Variants in ARID2 observed in about 807,000 individuals in gnomAD.
ARID2 encodes the protein AT-rich interaction domain 2, also known as AT-rich interactive domain-containing protein 2.
Under a neutral mutation model 184.6 loss-of-function variants are expected in ARID2, and 32 were observed. The observed-to-expected ratio is 0.17, with a 90% CI of 0.13 to 0.23. The LOEUF (loss-of-function observed/expected upper bound fraction) is 0.23, where lower values mean the gene tolerates loss of function less well. Ranked by LOEUF, ARID2 falls within the 10% of genes least tolerant of loss-of-function variation. The pLI, the probability that ARID2 is intolerant of heterozygous loss-of-function variation, is 1.00. For missense variants in ARID2, 1,696 were observed against 2,197.6 expected, an observed-to-expected ratio of 0.77 and a Z score of 4.56; for synonymous variants, 836 against 772.6, an observed-to-expected ratio of 1.08 and a Z score of -1.36.
chr12:45,863,701 A>T (rs1943787534), intron 16 of ARID2, among the ~76,000 whole-genome samples: 1 of 152,160 alleles, frequency 6.6e-6, no homozygotes, highest in Non-Finnish European at 1.5e-5. Context: ...AAGTTGAAAT[A>T]GCTATGTGCT....
intron 20 of ARID2, among the ~76,000 whole-genome samples, chr12:45,894,099 C>A (rs1944338058): frequency 6.6e-6 from 1 of 152,118 alleles, no homozygotes; most frequent in South Asian, 2.1e-4. Context: ...TTTTCATGTA[C>A]CCATCAATGG....
intron 15 of ARID2, among the ~76,000 whole-genome samples, chr12:45,856,176 G>A (rs1056726246): frequency 7.0e-6 from 1 of 142,296 alleles, no homozygotes; most frequent in Non-Finnish European, 1.5e-5. Context: ...CCGGGTTCAA[G>A]CGATTCTTCC....
At position 45,817,625 on chromosome 12, in the gene ARID2, G is replaced by C. The variant is rs745344609; in HGVS notation, c.419-45G>C. 5.2e-6 allele frequency: 7 copies of C among 1,351,394 alleles called. No individual in the cohort carries two copies. In the Admixed American group the frequency reaches 1.2e-4, roughly 23 times the overall value. 83.7% of individuals were successfully genotyped at this position (1,351,394 alleles called of 1,614,324 possible). On this transcript the variant is annotated intron_variant, in intron 4 of 20. Transcript: ENST00000334344. ...TATTCAAGGGATATTCACCATAAAG[G>C]TATCTGATCTTTGATATACTTAAGG... is the stretch of plus-strand genomic sequence containing the variant.
intron 3 of ARID2, among the ~76,000 whole-genome samples, chr12:45,745,948 C>T (rs1414129771): frequency 6.6e-6 from 1 of 151,526 alleles, no homozygotes; most frequent in Non-Finnish European, 1.5e-5. Flanking sequence ...TCGTAAAAAC[C>T]TAAACTTACA....
chr12:45,859,168 G>A (rs1943701311), intron 15 of ARID2, among the ~76,000 whole-genome samples: 2 of 152,152 alleles, frequency 1.3e-5, no homozygotes, highest in African/African-American at 4.8e-5. Flanking sequence ...TGTCAAGGAT[G>A]GACCACATAA....
chr12:45,785,714 CA>C (rs916333255), intron 3 of ARID2, among the ~76,000 whole-genome samples: 3 of 151,758 alleles, frequency 2.0e-5, no homozygotes, highest in Non-Finnish European at 4.4e-5. Flanking sequence ...CAAACATTCC[CA>C]AAAAAACACA....
At position 45,895,659 on chromosome 12, in the gene ARID2, C is replaced by T. The variant is rs140831223; in HGVS notation, c.5363+1938C>T. On this transcript the variant is annotated intron_variant, in intron 20 of 20. Transcript: ENST00000334344. ...GAGCGATTCTCCTGCCTCAGCCTCT[C>T]GAGTAGCTGGGATTATCGGCTCATG... Among the ~76,000 whole-genome samples the T allele has an allele frequency of 1.5e-3, 233 of 152,272 alleles. 2 individuals carry two copies. Among genetic ancestry groups the T allele is most frequent in the African/African-American group, 5.1e-3 (212 of 41,570 alleles).
At chr12:45,814,038 A>G (rs1942760422) in intron 4 of ARID2, among the ~76,000 whole-genome samples, 1 of 152,142 alleles carries the variant, frequency 6.6e-6, no homozygotes, top group Admixed American at 6.6e-5. Flanking sequence ...ATTTTAATAA[A>G]GTGAAGCCAA....
At chr12:45,846,980 T>G in intron 12 of ARID2, 43 bp downstream of exon 12, 1 of 1,566,486 alleles carries the variant, frequency 6.4e-7, no homozygotes, top group Non-Finnish European at 8.8e-7. Flanking sequence ...TTGGGAGGAG[T>G]AAAGCAAAGA....
intron 3 of ARID2, among the ~76,000 whole-genome samples, chr12:45,752,793 G>A (rs1565583044): frequency 6.6e-6 from 1 of 152,172 alleles, no homozygotes; most frequent in Non-Finnish European, 1.5e-5. Flanking sequence ...ACTGTACCAG[G>A]CCAAGGCTGA....
intron 3 of ARID2, among the ~76,000 whole-genome samples, chr12:45,783,294 T>A (rs996914538): frequency 6.6e-6 from 1 of 152,290 alleles, no homozygotes; most frequent in Non-Finnish European, 1.5e-5. Flanking sequence ...TAACTAAATA[T>A]GAAATTAGCT....
chr12:45,882,680 A>T (rs1944124043), intron 16 of ARID2, among the ~76,000 whole-genome samples: 1 of 152,238 alleles, frequency 6.6e-6, no homozygotes, highest in Admixed American at 6.5e-5. Context: ...CTGCCAATTT[A>T]GGTTGAAATT....
At chr12:45,817,195 A>G (rs1258388502) in intron 4 of ARID2, among the ~76,000 whole-genome samples, 1 of 152,112 alleles carries the variant, frequency 6.6e-6, no homozygotes, top group Non-Finnish European at 1.5e-5. Context: ...TCTCTCTACT[A>G]AAAATAAAAT....
At chr12:45,801,794 G>C (rs981165537) in intron 3 of ARID2, among the ~76,000 whole-genome samples, 1 of 151,906 alleles carries the variant, frequency 6.6e-6, no homozygotes, top group Admixed American at 6.6e-5. Context: ...GTGTATTGGG[G>C]GGTGGGGGAC....
At chr12:45,826,327 G>C (rs369256266) in intron 6 of ARID2, among the ~76,000 whole-genome samples, 4 of 151,874 alleles carry the variant, frequency 2.6e-5, no homozygotes, top group Non-Finnish European at 5.9e-5. Context: ...TTATTTTAAC[G>C]AGCTGGTAAT....
chr12:45,773,806 C>A (rs894515541), intron 3 of ARID2, among the ~76,000 whole-genome samples: 1 of 152,062 alleles, frequency 6.6e-6, no homozygotes, highest in Non-Finnish European at 1.5e-5. Context: ...GGGAATTCTG[C>A]CAAACATTGA....
intron 3 of ARID2, among the ~76,000 whole-genome samples, chr12:45,794,370 A>G (rs1230471412): frequency 2.6e-5 from 4 of 152,240 alleles, no homozygotes; most frequent in Non-Finnish European, 5.9e-5. Context: ...ATTATTGGAA[A>G]ATATGAAGAA....
chr12:45,806,528 A>AT (rs1392846950), intron 3 of ARID2, among the ~76,000 whole-genome samples: 1 of 151,832 alleles, frequency 6.6e-6, no homozygotes, highest in East Asian at 1.9e-4. Flanking sequence ...CATATCTTTC[A>AT]TTTTTGTCCA....
At chr12:45,757,065 C>G (rs1254427908) in intron 3 of ARID2, among the ~76,000 whole-genome samples, 1 of 152,102 alleles carries the variant, frequency 6.6e-6, no homozygotes, top group Admixed American at 6.6e-5. Flanking sequence ...TTGTTCCTTT[C>G]TCTGAATCAT....
Sources: allele counts gnomAD v4.1 joint callset (sites outside exome capture counted in the v4.1 genomes callset), GRCh38; gene constraint gnomAD v4.1.1; transcripts MANE v1.5; gene names NCBI Gene and HGNC (gene_info 2026-07-23, HGNC 2026-07-21).